PDE8B: variants seen among roughly 807,000 people sequenced by gnomAD.
PDE8B encodes high affinity cAMP-specific and IBMX-insensitive 3',5'-cyclic phosphodiesterase 8B.
Under a neutral mutation model 101.3 loss-of-function variants are expected in PDE8B, and 26 were observed. The observed-to-expected ratio is 0.26, with a 90% CI of 0.19 to 0.36. The LOEUF (loss-of-function observed/expected upper bound fraction) is 0.36, where lower values mean the gene tolerates loss of function less well. Among genes scored for constraint, PDE8B ranks in the 10% least tolerant of loss-of-function variants. The pLI is 1.00. For synonymous variants in PDE8B, 424 were observed against 429.3 expected, an observed-to-expected ratio of 0.99 and a Z score of 0.15; for missense variants, 810 against 1,163.1, an observed-to-expected ratio of 0.70 and a Z score of 4.42.
chr5:77,405,047 G>A (rs1793148908), intron 12 of PDE8B, among the ~76,000 whole-genome samples: 1 of 152,224 alleles, frequency 6.6e-6, no homozygotes, highest in Non-Finnish European at 1.5e-5. Context: ...AGCATGTTGA[G>A]CCATAACCAC....
chr5:77,259,600 CCTCCCCACTT>C (rs1760056241), intron 1 of PDE8B, among the ~76,000 whole-genome samples: 1 of 152,154 alleles, frequency 6.6e-6, no homozygotes, highest in African/African-American at 2.4e-5. Flanking sequence ...AGGGGAATTT[CCTCCCCACTT>C]CTCTACTCTA....
chr5:77,278,081 T>C (rs971002399), intron 1 of PDE8B, among the ~76,000 whole-genome samples: 1 of 152,196 alleles, frequency 6.6e-6, no homozygotes, highest in African/African-American at 2.4e-5. Flanking sequence ...TCAGCTGCCA[T>C]TTCCTGGGAC....
Position 77,304,525 on chromosome 5 carries a change from G to T in PDE8B, c.340-7469G>T, listed in dbSNP as rs191706968. On this transcript the variant is annotated intron_variant, in intron 1 of 21. Transcript: ENST00000264917. ...TTTGCTTTTTTTTGTTTTGTTTTTG[G>T]TGAATAGAAGCTATAATTTTAAAGT... Among the ~76,000 whole-genome samples, 4 of 151,794 alleles carry T rather than the reference G, an allele frequency of 2.6e-5. No individual in the cohort carries two copies. The East Asian group carries it at 5.8e-4, about 22-fold the overall frequency.
chr5:77,311,443 T>C (rs1208659636), intron 1 of PDE8B, among the ~76,000 whole-genome samples: 1 of 152,178 alleles, frequency 6.6e-6, no homozygotes, highest in African/African-American at 2.4e-5. Context: ...ATGAATAATT[T>C]ATCCATGGTA....
the PDE8B span, among the ~76,000 whole-genome samples, chr5:77,095,906 A>G: frequency 6.6e-6 from 1 of 152,122 alleles, no homozygotes; most frequent in African/African-American, 2.4e-5. Flanking sequence ...CATGCCTCAA[A>G]CTAGACCCTA....
intron 10 of PDE8B, among the ~76,000 whole-genome samples, chr5:77,365,478 A>C (rs985791010): frequency 6.6e-6 from 1 of 152,214 alleles, no homozygotes; most frequent in African/African-American, 2.4e-5. Flanking sequence ...CACAAGGAAG[A>C]CCAGGCCACT....
chr5:77,111,517 A>G, the PDE8B span, among the ~76,000 whole-genome samples: 1 of 152,206 alleles, frequency 6.6e-6, no homozygotes, highest in Non-Finnish European at 1.5e-5. Flanking sequence ...CAATTGAGGG[A>G]AAAAGCAGGT....
At chr5:77,216,750 A>G (rs531603618) in intron 1 of PDE8B, among the ~76,000 whole-genome samples, 21 of 152,320 alleles carry the variant, frequency 1.4e-4, no homozygotes, top group East Asian at 1.4e-3. Context: ...AAGTCCCTTC[A>G]TGACATTGTC....
At chr5:77,229,947 G>T (rs191658097) in intron 1 of PDE8B, among the ~76,000 whole-genome samples, 12 of 152,278 alleles carry the variant, frequency 7.9e-5, no homozygotes, top group African/African-American at 2.9e-4. Flanking sequence ...TTTCTATTGG[G>T]TATATACTAG....
intron 1 of PDE8B, among the ~76,000 whole-genome samples, chr5:77,308,305 C>T (rs966732553): frequency 7.9e-5 from 12 of 152,116 alleles, no homozygotes; most frequent in African/African-American, 2.7e-4. Context: ...AAGTGTGGGT[C>T]AGGACTAGAG....
chr5:77,311,974 T>C lies in PDE8B; in HGVS notation c.340-20T>C. 1.2e-6 allele frequency: 2 copies of C among 1,607,348 alleles called. No individual in the cohort carries two copies. Among genetic ancestry groups the C allele is most frequent in the Non-Finnish European group, 1.7e-6 (2 of 1,173,826 alleles). Reference sequence around the variant, plus strand: ...TGTAGTTTAAGACTTGACGCTTCTCTTGTGCTGTCCTTTATTTAGCAGGTG... The same window carrying C: ...TGTAGTTTAAGACTTGACGCTTCTCCTGTGCTGTCCTTTATTTAGCAGGTG... On this transcript the variant is annotated intron_variant, in intron 1 of 21. Coordinates refer to ENST00000264917, the MANE Select transcript of PDE8B (RefSeq NM_003719.5).
At chr5:77,146,266 A>T in the PDE8B span, 2 of 152,174 alleles carry the variant, frequency 1.3e-5, no homozygotes, top group African/African-American at 4.8e-5. Flanking sequence ...TGTGTGTGAG[A>T]GGGACACAAA....
At position 77,317,416 on chromosome 5, in the gene PDE8B, C is replaced by T. The variant is rs116692109; in HGVS notation, c.399+5363C>T. ...TTGCTTTTGAGGGTGCATTTCTGAG[C>T]TCATCAGGGGAAATTTACTCCCATG... On this transcript the variant is annotated intron_variant, in intron 2 of 21. Coordinates refer to ENST00000264917, the MANE Select transcript of PDE8B (RefSeq NM_003719.5). Among the ~76,000 whole-genome samples the T allele has an allele frequency of 7.2e-3, 1,089 of 152,238 alleles. 18 individuals carry two copies. Among genetic ancestry groups the T allele is most frequent in the African/African-American group, 0.025 (1,024 of 41,534 alleles).
rs112891754 is a variant in PDE8B, at chr5:77,390,126, G to A, written c.1168-10122G>A. 4.3e-3 allele frequency among the ~76,000 whole-genome samples: 658 copies of A among 152,252 alleles called. 2 individuals are homozygous for A. The highest frequency in any genetic ancestry group is 0.015 in the African/African-American group (602 of 41,516). On this transcript the variant is annotated intron_variant, in intron 10 of 21. Coordinates refer to ENST00000264917, the MANE Select transcript of PDE8B (RefSeq NM_003719.5). The stretch of plus-strand genomic sequence containing the variant: ...TAATTTTAGACATTCTGGTGGGTGT[G>A]TAGATAAATAGGATTTTTAAATGAT...
At chr5:77,350,967 G>A in intron 8 of PDE8B, 98 bp from the exon 9 acceptor site, 1 of 842,826 alleles carries the variant, frequency 1.2e-6, no homozygotes, top group Non-Finnish European at 2.1e-6. Flanking sequence ...TGTAACGAGA[G>A]CATGTGGGAA....
At chr5:77,392,052 G>C (rs994806177) in intron 10 of PDE8B, among the ~76,000 whole-genome samples, 3 of 152,192 alleles carry the variant, frequency 2.0e-5, no homozygotes, top group Non-Finnish European at 4.4e-5. Flanking sequence ...ATAATTATGG[G>C]ATAAATGAGT....
intron 1 of PDE8B, among the ~76,000 whole-genome samples, chr5:77,233,699 T>C (rs73767345): frequency 2.5e-3 from 372 of 146,990 alleles, no homozygotes; most frequent in African/African-American, 8.5e-3. Flanking sequence ...TGTGTGTGTG[T>C]GCAGTAGACT....
the PDE8B span, chr5:77,146,768 G>T: frequency 3.2e-6 from 1 of 312,872 alleles, no homozygotes; most frequent in Non-Finnish European, 6.5e-6. Context: ...AGGCGAACAA[G>T]GCTCGTTATG....
intron 10 of PDE8B, among the ~76,000 whole-genome samples, chr5:77,377,672 T>C (rs1172923466): frequency 6.6e-6 from 1 of 152,190 alleles, no homozygotes; most frequent in Non-Finnish European, 1.5e-5. Flanking sequence ...GAGACTGGCA[T>C]TTGAATCAGT....
Sources: allele counts gnomAD v4.1 joint callset (sites outside exome capture counted in the v4.1 genomes callset), GRCh38; gene constraint gnomAD v4.1.1; transcripts MANE v1.5; gene names NCBI Gene and HGNC (gene_info 2026-07-23, HGNC 2026-07-21).